ANKS1B: variants seen among roughly 807,000 people sequenced by gnomAD.
The protein encoded by ANKS1B is ankyrin repeat and sterile alpha motif domain containing 1B.
In ANKS1B, 36 loss-of-function variants were observed where a neutral mutation model predicts 148.3. The ratio of observed to expected loss-of-function variants is 0.24; its 90% CI spans 0.19 to 0.32. The LOEUF (loss-of-function observed/expected upper bound fraction) is 0.32. ANKS1B is among the 10% of genes least tolerant of loss of function. The pLI is 1.00. For synonymous variants in ANKS1B, 542 were observed against 560.8 expected, an observed-to-expected ratio of 0.97 and a Z score of 0.47; for missense variants, 1,157 against 1,542.6, an observed-to-expected ratio of 0.75 and a Z score of 4.19.
In ANKS1B at chr12:99,951,961, G is replaced by A. The variant is rs563050911; in HGVS notation, c.134+32143C>T. ...AGCATGTTTTCATGATAATCACAGA[G>A]GTTTCAGACATTGTATACACGTATC... On this transcript the variant is annotated intron_variant, in intron 1 of 26. Transcript: ENST00000683438. Among the ~76,000 whole-genome samples the A allele has an allele frequency of 2.0e-5, 3 of 152,172 alleles. No homozygotes were observed. The South Asian group carries it at 6.2e-4, about 32-fold the overall frequency.
At chr12:99,306,584 A>G (rs528687208) in intron 12 of ANKS1B, among the ~76,000 whole-genome samples, 2 of 152,194 alleles carry the variant, frequency 1.3e-5, no homozygotes, top group South Asian at 4.1e-4. Flanking sequence ...CCAGGTTTTT[A>G]TCAACTGGAT....
At chr12:98,992,616 T>A (rs1442745082) in intron 17 of ANKS1B, among the ~76,000 whole-genome samples, 1 of 152,194 alleles carries the variant, frequency 6.6e-6, no homozygotes, top group Non-Finnish European at 1.5e-5. Flanking sequence ...TGCAGAACTG[T>A]GAGTCAATTA....
chr12:99,164,337 G>A (rs1297517568), intron 14 of ANKS1B, among the ~76,000 whole-genome samples: 1 of 151,900 alleles, frequency 6.6e-6, no homozygotes, highest in Non-Finnish European at 1.5e-5. Context: ...ACATTTTAAT[G>A]GGCAAATACA....
At chr12:99,567,817 T>G (rs146317819) in intron 9 of ANKS1B, among the ~76,000 whole-genome samples, 1 of 152,160 alleles carries the variant, frequency 6.6e-6, no homozygotes, top group Non-Finnish European at 1.5e-5. Context: ...TACCACACTT[T>G]ACGTAACCAA....
intron 9 of ANKS1B, among the ~76,000 whole-genome samples, chr12:99,510,348 C>T (rs1315042579): frequency 2.0e-5 from 3 of 151,936 alleles, no homozygotes; most frequent in Admixed American, 2.0e-4. Context: ...AAAACCTAGA[C>T]AAGATTTTCC....
chr12:99,572,211 T>C (rs751187039), intron 9 of ANKS1B, among the ~76,000 whole-genome samples: 45 of 152,212 alleles, frequency 3.0e-4, no homozygotes, highest in Non-Finnish European at 4.6e-4. Flanking sequence ...ATACTTTCAA[T>C]ATTAATAAGT....
At chr12:98,809,473 GTGCTTCTAGCACTT>G (rs1205058075) in intron 19 of ANKS1B, among the ~76,000 whole-genome samples, 1 of 151,998 alleles carries the variant, frequency 6.6e-6, no homozygotes, top group Non-Finnish European at 1.5e-5. Flanking sequence ...AGTGCTAGAA[GTGCTTCTAGCACTT>G]CTAGTGCTAA....
At chr12:98,817,099 C>T (rs1272059519) in intron 19 of ANKS1B, among the ~76,000 whole-genome samples, 1 of 152,088 alleles carries the variant, frequency 6.6e-6, no homozygotes, top group African/African-American at 2.4e-5. Flanking sequence ...AAGAAACCAG[C>T]AAGAAATATG....
At chr12:99,848,517 C>T (rs1603308831) in intron 1 of ANKS1B, among the ~76,000 whole-genome samples, 1 of 152,106 alleles carries the variant, frequency 6.6e-6, no homozygotes, top group African/African-American at 2.4e-5. Context: ...CACAGGGATA[C>T]ATAAATAGAT....
intron 17 of ANKS1B, among the ~76,000 whole-genome samples, chr12:98,975,651 T>G (rs1340264291): frequency 1.3e-5 from 2 of 152,142 alleles, no homozygotes; most frequent in Non-Finnish European, 2.9e-5. Flanking sequence ...TTGTTTGGTT[T>G]TTTTTTGTTG....
chr12:99,827,442 A>G (rs1055214891), intron 1 of ANKS1B, among the ~76,000 whole-genome samples: 12 of 152,152 alleles, frequency 7.9e-5, no homozygotes, highest in Non-Finnish European at 1.5e-4. Flanking sequence ...TGTAGGATGA[A>G]CAAGTGTAGA....
chr12:99,718,104 C>T (rs1236243554), intron 8 of ANKS1B, among the ~76,000 whole-genome samples: 1 of 151,672 alleles, frequency 6.6e-6, no homozygotes, highest in Non-Finnish European at 1.5e-5. Flanking sequence ...GGGGTTTCAC[C>T]ATGTTAGCCA....
In ANKS1B at chr12:98,753,089, G is replaced by A. The variant is rs7959017; in HGVS notation, c.3580-1567C>T. On this transcript the variant is annotated intron_variant, in intron 25 of 26. Coordinates refer to ENST00000683438, the MANE Select transcript of ANKS1B (RefSeq NM_001352186.2). ...CTATATTTTATCATGAAATCAGCAA[G>A]AGACAGGTGATTCTGTCAGGCTAGA... Among the ~76,000 whole-genome samples, 1,514 of 152,302 alleles carry A rather than the reference G, an allele frequency of 9.9e-3. 20 individuals carry two copies. Among genetic ancestry groups the A allele is most frequent in the African/African-American group, 0.035 (1,451 of 41,552 alleles).
At chr12:99,472,039 T>G (rs2096250279) in intron 10 of ANKS1B, among the ~76,000 whole-genome samples, 1 of 152,110 alleles carries the variant, frequency 6.6e-6, no homozygotes, top group Non-Finnish European at 1.5e-5. Flanking sequence ...TGGAATGACA[T>G]TCCTATATAA....
chr12:99,514,360 A>G (rs1264888316), intron 9 of ANKS1B, among the ~76,000 whole-genome samples: 1 of 152,090 alleles, frequency 6.6e-6, no homozygotes, highest in Non-Finnish European at 1.5e-5. Context: ...TCAAAGTCTG[A>G]AACAATGTCA....
At chr12:99,924,671 C>T (rs1300338580) in intron 1 of ANKS1B, among the ~76,000 whole-genome samples, 1 of 151,964 alleles carries the variant, frequency 6.6e-6, no homozygotes. Context: ...TAAAGGCCCC[C>T]GAAAAATGAC....
At chr12:99,320,148 G>C (rs141550132) in intron 12 of ANKS1B, among the ~76,000 whole-genome samples, 1 of 152,022 alleles carries the variant, frequency 6.6e-6, no homozygotes, top group Admixed American at 6.6e-5. Context: ...TTCAATTTTG[G>C]TGAATCTGAC....
intron 1 of ANKS1B, 64 bp downstream of exon 1, chr12:99,984,040 G>T: frequency 7.2e-7 from 1 of 1,393,640 alleles, no homozygotes; most frequent in Non-Finnish European, 9.8e-7. Context: ...GTGAGGAGGA[G>T]GACGTATATC....
intron 23 of ANKS1B, 181 bp from the exon 24 acceptor site, chr12:98,781,384 C>G (rs1163185975): frequency 1.9e-5 from 13 of 669,560 alleles, no homozygotes; most frequent in Non-Finnish European, 3.3e-5. Context: ...ATGTCTGCCT[C>G]TCCTCTCTTG....
Sources: gnomAD v4.1 joint callset for allele counts (sites outside exome capture counted in the v4.1 genomes callset) on GRCh38, gnomAD v4.1.1 for gene constraint, MANE v1.5 for transcripts, NCBI Gene and HGNC (gene_info 2026-07-23, HGNC 2026-07-21) for gene names.